The following VIT variants were observed in gnomAD, a reference collection of about 807,000 sequenced individuals.
VIT encodes vitrin.
In VIT, 99 loss-of-function variants were observed where a neutral mutation model predicts 78.0. The ratio of observed to expected loss-of-function variants is 1.27; its 90% CI spans 1.08 to 1.50. The LOEUF (loss-of-function observed/expected upper bound fraction) is 1.50, where lower values mean the gene tolerates loss of function less well. Among genes scored for constraint, VIT ranks in the 40% most tolerant of loss-of-function variants. The pLI is 0.00. For synonymous variants in VIT, 374 were observed against 334.3 expected (o/e 1.12, Z -1.29); for missense variants, 1,126 against 875.3 (o/e 1.29, Z -3.61).
chr2:36,788,726 G>C (rs1665275377), intron 12 of VIT, among the ~76,000 whole-genome samples: 1 of 152,142 alleles, frequency 6.6e-6, no homozygotes, highest in Non-Finnish European at 1.5e-5. Flanking sequence ...AATGCCAAAT[G>C]TCCTTAGTCA....
chr2:36,811,383 A>G (rs1667156249), intron 15 of VIT, among the ~76,000 whole-genome samples: 1 of 152,222 alleles, frequency 6.6e-6, no homozygotes, highest in Non-Finnish European at 1.5e-5. Context: ...ATCAGAGGGT[A>G]TCCTTGGCCT....
intron 10 of VIT, among the ~76,000 whole-genome samples, chr2:36,782,630 C>A (rs1418538959): frequency 2.0e-5 from 3 of 152,148 alleles, no homozygotes; most frequent in Non-Finnish European, 4.4e-5. Flanking sequence ...AAAGGATTCG[C>A]TTTTATTGTC....
At chr2:36,741,299 A>C (rs72855818) in intron 3 of VIT, among the ~76,000 whole-genome samples, 3,770 of 152,314 alleles carry the variant, frequency 0.025, 115 homozygotes, top group East Asian at 0.085. Flanking sequence ...AATGAAAGGT[A>C]AAAAGAAAAT....
intron 1 of VIT, among the ~76,000 whole-genome samples, chr2:36,708,113 C>CG (rs1162203128): frequency 6.8e-6 from 1 of 146,900 alleles, no homozygotes; most frequent in Non-Finnish European, 1.5e-5. Flanking sequence ...AAGGACCTCC[C>CG]CCCCCCGCCC....
intron 4 of VIT, among the ~76,000 whole-genome samples, chr2:36,746,613 A>G (rs1410417872): frequency 6.6e-6 from 1 of 152,030 alleles, no homozygotes; most frequent in Non-Finnish European, 1.5e-5. Flanking sequence ...GTTTCTGAAG[A>G]ACTTTTGTAT....
chr2:36,788,884 T>C (rs1206143154), intron 12 of VIT, among the ~76,000 whole-genome samples: 1 of 152,174 alleles, frequency 6.6e-6, no homozygotes, highest in Non-Finnish European at 1.5e-5. Flanking sequence ...AGAATAGTGT[T>C]GCTGATGAGA....
intron 10 of VIT, among the ~76,000 whole-genome samples, chr2:36,782,110 G>A (rs978482317): frequency 2.6e-5 from 4 of 152,168 alleles, no homozygotes; most frequent in African/African-American, 9.7e-5. Flanking sequence ...TTCCTCCTTT[G>A]CAAAATGGCT....
At chr2:36,792,278 T>C (rs529488077) in intron 12 of VIT, among the ~76,000 whole-genome samples, 83 of 152,280 alleles carry the variant, frequency 5.5e-4, no homozygotes, top group African/African-American at 1.7e-3. Context: ...CTCTCCTCTC[T>C]GAGAGACAGG....
chr2:36,812,319 G>A (rs187302217), intron 15 of VIT, among the ~76,000 whole-genome samples: 193 of 152,272 alleles, frequency 1.3e-3, no homozygotes, highest in Non-Finnish European at 1.5e-3. Context: ...GACTCGGGGG[G>A]AGGTGCCAGG....
chr2:36,726,921 G>A (rs907995504), intron 2 of VIT, among the ~76,000 whole-genome samples: 10 of 150,820 alleles, frequency 6.6e-5, no homozygotes, highest in African/African-American at 9.7e-5. Context: ...GACTCATCAC[G>A]AGGTCTGAGA....
At chr2:36,765,150 G>A (rs949728731) in intron 6 of VIT, among the ~76,000 whole-genome samples, 2 of 152,230 alleles carry the variant, frequency 1.3e-5, no homozygotes, top group South Asian at 2.1e-4. Flanking sequence ...GTGACGGGGC[G>A]GTTATTCTGG....
At chr2:36,763,821 T>G (rs56126792) in intron 6 of VIT, among the ~76,000 whole-genome samples, 25,762 of 152,070 alleles carry the variant, frequency 0.17, 2,437 homozygotes, top group Non-Finnish European at 0.22. Flanking sequence ...ACTCCTGACC[T>G]CAAGTGATCC....
chr2:36,763,870 T>C (rs1445480110), intron 6 of VIT, among the ~76,000 whole-genome samples: 1 of 152,142 alleles, frequency 6.6e-6, no homozygotes, highest in African/African-American at 2.4e-5. Flanking sequence ...ATTACAGGCG[T>C]CTATCTTCCC....
intron 1 of VIT, among the ~76,000 whole-genome samples, chr2:36,701,217 T>C (rs1273880948): frequency 1.3e-5 from 2 of 152,180 alleles, no homozygotes; most frequent in Non-Finnish European, 1.5e-5. Context: ...AGGGCTTTTA[T>C]TTCTGTCATT....
Position 36,750,657 on chromosome 2 carries a change from C to T in VIT, c.276-4264C>T, listed in dbSNP as rs567749560. 3.4e-3 allele frequency among the ~76,000 whole-genome samples: 516 copies of T among 151,824 alleles called. 4 individuals are homozygous for T. The highest frequency in any genetic ancestry group is 9.5e-3 in the African/African-American group (395 of 41,368). ...CCAACATGGTGAAACCCCGTCTCTA[C>T]TAAAAATACAAAAATTAGCTGGGCA... is the stretch of plus-strand genomic sequence containing the variant. On this transcript the variant is annotated intron_variant, in intron 4 of 15. Transcript: ENST00000379242.
chr2:36,758,855 AT>A, intron 5 of VIT, 113 bp from the exon 6 acceptor site: 2 of 937,384 alleles, frequency 2.1e-6, no homozygotes, highest in Non-Finnish European at 1.6e-6. Context: ...AGGGAGACTG[AT>A]TTTATTGAAC....
At chr2:36,755,082 C>T in intron 5 of VIT, 28 bp downstream of exon 5, 1 of 1,601,876 alleles carries the variant, frequency 6.2e-7, no homozygotes, top group African/African-American at 1.3e-5. Context: ...AGAAACGCTG[C>T]TAAACCTACC....
intron 12 of VIT, among the ~76,000 whole-genome samples, chr2:36,789,641 G>A (rs375232432): frequency 6.6e-5 from 10 of 152,238 alleles, no homozygotes; most frequent in South Asian, 6.2e-4. Flanking sequence ...TTCAATCCCC[G>A]CTGTATGCAT....
intron 9 of VIT, among the ~76,000 whole-genome samples, chr2:36,777,044 A>G (rs57551895): frequency 0.01 from 1,255 of 123,488 alleles, 10 homozygotes; most frequent in Admixed American, 0.015. Flanking sequence ...AGCCGAGATC[A>G]CGCCACTGCA....
Sources: gnomAD v4.1 joint callset for allele counts (sites outside exome capture counted in the v4.1 genomes callset) on GRCh38, gnomAD v4.1.1 for gene constraint, MANE v1.5 for transcripts, NCBI Gene and HGNC (gene_info 2026-07-23, HGNC 2026-07-21) for gene names.